Variants in SARDH observed in about 807,000 individuals in gnomAD.
SARDH encodes sarcosine dehydrogenase, mitochondrial.
In SARDH, 95 loss-of-function variants were observed where a neutral mutation model predicts 109.1. The observed-to-expected ratio is 0.87, with a 90% CI of 0.74 to 1.03. SARDH has a LOEUF of 1.03. SARDH is among the 50% of genes least tolerant of loss of function. The pLI is 0.00. For missense variants in SARDH, 1,267 were observed against 1,287.8 expected, an observed-to-expected ratio of 0.98 and a Z score of 0.25; for synonymous variants, 572 against 534.8, an observed-to-expected ratio of 1.07 and a Z score of -0.96.
intron 15 of SARDH, among the ~76,000 whole-genome samples, chr9:133,691,169 A>ACACACACACACACAC (rs1831079042): frequency 8.9e-6 from 1 of 112,136 alleles, no homozygotes; most frequent in Non-Finnish European, 1.8e-5. Context: ...CACCTCCCCC[A>ACACACACACACACAC]ACACACACAC....
In SARDH at chr9:133,703,007, C is replaced by G. The variant is rs780681450; in HGVS notation, c.1577G>C (p.Gly526Ala). 21 of 1,613,320 alleles carry G rather than the reference C, an allele frequency of 1.3e-5. No individual in the cohort carries two copies. The African/African-American group carries it at 2.7e-4, about 21-fold the overall frequency. Residue 526 changes from glycine to alanine, a missense_variant, in exon 13 of 21, where the codon GGG (glycine) becomes GCG (alanine). Physicochemically the swap from Gly to Ala is moderately conservative, Grantham distance 60. Transcript: ENST00000439388. ...CTCGTGCGCGCGGCTCCCGTAAGCC[C>G]CGTAGTAGTCGTACTCGAGGACCTG... ...PAPVLEYDYY[G>A]AYGSRAHEDY...
At chr9:133,707,049 C>T (rs1335158487) in intron 11 of SARDH, among the ~76,000 whole-genome samples, 1 of 152,214 alleles carries the variant, frequency 6.6e-6, no homozygotes, top group Non-Finnish European at 1.5e-5. Context: ...AACTGTTCAT[C>T]TCAAGAGCCC....
rs548431919 is a variant in SARDH, at chr9:133,688,521, G to A, written c.2069+1859C>T. Among the ~76,000 whole-genome samples the A allele has an allele frequency of 5.9e-5, 9 of 151,992 alleles. No homozygotes were observed. In the East Asian group the frequency reaches 1.4e-3, roughly 23 times the overall value. ...TCACAGGCCTGCTGGCCCCCTGCCCGCTGACCCAACAGCAGAGACCCCCCC... is the reference window on the plus strand; with the variant it reads ...TCACAGGCCTGCTGGCCCCCTGCCCACTGACCCAACAGCAGAGACCCCCCC... On this transcript the variant is annotated intron_variant, in intron 16 of 20. Coordinates refer to ENST00000439388, the MANE Select transcript of SARDH (RefSeq NM_001134707.2).
chr9:133,667,192 T>TG (rs201062562), intron 19 of SARDH: 12 of 430,446 alleles, frequency 2.8e-5, no homozygotes, highest in African/African-American at 5.3e-5. Context: ...TGTTCAACTC[T>TG]GGTTTTTTTT....
intron 14 of SARDH, among the ~76,000 whole-genome samples, chr9:133,695,971 A>G (rs1831271757): frequency 6.6e-6 from 1 of 151,924 alleles, no homozygotes; most frequent in South Asian, 2.1e-4. Context: ...TCCTTTCTGG[A>G]AGAGTAGAGA....
Position 133,718,660 on chromosome 9 carries a change from C to A in SARDH, c.1020+278G>T. 1 of 779,456 alleles carries A rather than the reference C, an allele frequency of 1.3e-6. No individual in the cohort carries two copies. 48.3% of individuals were successfully genotyped at this position (779,456 alleles called of 1,614,324 possible). A position where few individuals can be genotyped will look rare whatever the true frequency, so the allele number is the denominator to read the frequency against. On this transcript the variant is annotated intron_variant, in intron 7 of 20. Coordinates refer to ENST00000439388, the MANE Select transcript of SARDH (RefSeq NM_001134707.2). The surrounding 1 kb of genome is among the most constrained non-coding windows in gnomAD (Gnocchi z 4.2). ...GAAGGACGTAGGACTTGTGTGCTCT[C>A]ATGCCCTTCTGAGGTCATCACTCCA...
intron 2 of SARDH, 91 bp from the exon 3 acceptor site, chr9:133,732,692 C>A (rs1364423733): frequency 7.2e-7 from 1 of 1,397,224 alleles, no homozygotes; most frequent in Non-Finnish European, 9.7e-7. Context: ...TGATATTCAA[C>A]CATGGGTGTC....
intron 6 of SARDH, chr9:133,725,247 T>C (rs2510234): frequency 0.33 from 52,928 of 160,338 alleles, 9,155 homozygotes; most frequent in Non-Finnish European, 0.37. Flanking sequence ...GGGTATGGGT[T>C]TTGGGGCATG....
At chr9:133,725,928 G>A (rs181691503) in intron 6 of SARDH, among the ~76,000 whole-genome samples, 1 of 152,136 alleles carries the variant, frequency 6.6e-6, no homozygotes, top group African/African-American at 2.4e-5. Flanking sequence ...AGCAGGAAAG[G>A]GGATGTGCAG....
Position 133,685,264 on chromosome 9 carries a change from G to A in SARDH, c.2092C>T (p.Leu698=), listed in dbSNP as rs750707201. ...PASRAILQEV[L]DADLSNEAFP... ...GCCTCGTTGCTCAGGTCTGCGTCCA[G>A]CACCTCCTGCAAAATGGCTCGGCTG... Residue 698 remains leucine (L), a synonymous_variant, in exon 17 of 21, where the codon CTG becomes TTG. Coordinates refer to ENST00000439388, the MANE Select transcript of SARDH (RefSeq NM_001134707.2). The A allele has an allele frequency of 6.2e-7, 1 of 1,613,912 alleles. No individual in the cohort carries two copies. The highest frequency in any genetic ancestry group is 8.5e-7 in the Non-Finnish European group (1 of 1,179,962).
chr9:133,685,442 G>A (rs1420124342), intron 16 of SARDH, among the ~76,000 whole-genome samples, 156 bp from the exon 17 acceptor site: 2 of 152,242 alleles, frequency 1.3e-5, no homozygotes, highest in East Asian at 1.9e-4. Context: ...CAAGACAGAT[G>A]TACGTTCCAA....
At chr9:133,679,095 C>T (rs1426258361) in intron 17 of SARDH, among the ~76,000 whole-genome samples, 4 of 152,208 alleles carry the variant, frequency 2.6e-5, no homozygotes, top group Non-Finnish European at 4.4e-5. Flanking sequence ...CAAACACCCT[C>T]GCTCCAACTT....
At chr9:133,732,335 C>A (rs1832714284) in intron 3 of SARDH, 88 bp downstream of exon 3, 1 of 1,049,184 alleles carries the variant, frequency 9.5e-7, no homozygotes, top group Non-Finnish European at 1.3e-6. Flanking sequence ...TACCCCCCCA[C>A]AGGGGGTGCA....
chr9:133,679,962 C>G (rs572309519), intron 17 of SARDH, among the ~76,000 whole-genome samples: 2 of 152,214 alleles, frequency 1.3e-5, no homozygotes, highest in African/African-American at 2.4e-5. Context: ...ACGCATTCCT[C>G]GCCTGCATCT....
chr9:133,666,652 A>C lies in SARDH; in HGVS notation c.2631+83T>G. On this transcript the variant is annotated intron_variant, in intron 20 of 20. Coordinates refer to ENST00000439388, the MANE Select transcript of SARDH (RefSeq NM_001134707.2). The surrounding 1 kb of genome is among the most constrained non-coding windows in gnomAD (Gnocchi z 5.2). ...CGTGCCTCCTCCCTATGCCCGGCAC[A>C]CTCAGGGTGCAGTGCAGGGAGCTGG... is the stretch of plus-strand genomic sequence containing the variant. The C allele has an allele frequency of 6.6e-7, 1 of 1,520,960 alleles. No individual in the cohort carries two copies. Among genetic ancestry groups the C allele is most frequent in the South Asian group, 1.2e-5 (1 of 82,084 alleles). The allele number at this position is 1,520,960 out of a possible 1,614,324, so 94.2% of individuals were successfully genotyped here.
Position 133,713,264 on chromosome 9 carries a change from A to C in SARDH, c.1151-140T>G, listed in dbSNP as rs1460515742. The C allele has an allele frequency of 5.9e-6, 4 of 672,708 alleles. No homozygotes were observed. The African/African-American group carries it at 7.3e-5, about 12-fold the overall frequency. 41.7% of individuals were successfully genotyped at this position (672,708 alleles called of 1,614,324 possible). On this transcript the variant is annotated intron_variant, in intron 8 of 20. Transcript: ENST00000439388. ...CCCCTCCCTCCTCTAGGCCCTGCTCAGCGCCACTTCCTCATGGGGGCCTCC... is the reference window on the plus strand; with the variant it reads ...CCCCTCCCTCCTCTAGGCCCTGCTCCGCGCCACTTCCTCATGGGGGCCTCC...
intron 2 of SARDH, among the ~76,000 whole-genome samples, chr9:133,732,842 T>C (rs1438361081): frequency 6.6e-6 from 1 of 152,102 alleles, no homozygotes; most frequent in African/African-American, 2.4e-5. Context: ...GCCCCCATTT[T>C]TGGAGCACCT....
In SARDH at chr9:133,666,933, C is replaced by A; in HGVS notation, c.2496-63G>T. ...CCGCAGGGTGGGGACGCGTCCACAG[C>A]GGCCTGGAGGAGAATGGGGGGCTGC... On this transcript the variant is annotated intron_variant, in intron 19 of 20. Transcript: ENST00000439388. The surrounding 1 kb of genome is among the most constrained non-coding windows in gnomAD (Gnocchi z 5.2). The A allele has an allele frequency of 6.3e-7, 1 of 1,595,386 alleles. No individual in the cohort carries two copies. The highest frequency in any genetic ancestry group is 8.5e-7 in the Non-Finnish European group (1 of 1,170,874).
Position 133,670,668 on chromosome 9 carries a change from G to T in SARDH, c.2411C>A (p.Pro804Gln), listed in dbSNP as rs767340533. 10 of 1,602,746 alleles carry T rather than the reference G, an allele frequency of 6.2e-6. No homozygotes were observed. The East Asian group carries it at 1.1e-4, about 18-fold the overall frequency. Reference protein sequence around the residue: ...GLAFTCKLKSPVPFLGREALE... With the variant: ...GLAFTCKLKSQVPFLGREALE... ...GGCCTCCCTCCCCAGGAAGGGCACC[G>T]GCGACTTGAGCTTGCAGGTGAAGGC... is the stretch of plus-strand genomic sequence containing the variant. Residue 804 changes from proline to glutamine, a missense_variant, in exon 19 of 21, where the codon CCG becomes CAG. Transcript: ENST00000439388.
Sources: allele counts gnomAD v4.1 joint callset (sites outside exome capture counted in the v4.1 genomes callset), GRCh38; gene constraint gnomAD v4.1.1; non-coding constraint Gnocchi (gnomAD v3.1); transcripts MANE v1.5; gene names NCBI Gene and HGNC (gene_info 2026-07-23, HGNC 2026-07-21).